The following ZNF385D variants were observed in gnomAD, a reference collection of about 807,000 sequenced individuals.
ZNF385D encodes the protein zinc finger protein 659.
ZNF385D carries 15 observed loss-of-function variants against 35.8 expected under a neutral mutation model. The ratio of observed to expected loss-of-function variants is 0.42; its 90% confidence interval spans 0.28 to 0.64. The LOEUF (loss-of-function observed/expected upper bound fraction) is 0.64. Ranked by LOEUF, ZNF385D falls within the 30% of genes least tolerant of loss-of-function variation. The pLI is 0.23. For synonymous variants in ZNF385D, 212 were observed against 186.8 expected (o/e 1.13, Z -1.10); for missense variants, 474 against 494.6 (o/e 0.96, Z 0.39).
chr3:21,424,552 A>G (rs1700920257), intron 6 of ZNF385D, among the ~76,000 whole-genome samples: 1 of 150,624 alleles, frequency 6.6e-6, no homozygotes, highest in South Asian at 2.1e-4. Context: ...TGACCTCTTG[A>G]TACACCTGCC....
chr3:21,915,235 T>C lies in ZNF385D; in HGVS notation c.326-250207A>G, dbSNP rs767718285. ...TTTAGAATCTCAGAAAAAGAGCTTA[T>C]ATTTCATTAAAATTCTGTATACTAC... On this transcript the variant is annotated intron_variant, in intron 3 of 5. Transcript: ENST00000494108. Among the ~76,000 whole-genome samples the C allele has an allele frequency of 1.6e-4, 25 of 152,120 alleles. 1 individual carries two copies. Among genetic ancestry groups the C allele is most frequent in the Non-Finnish European group, 1.5e-5 (1 of 67,976 alleles).
chr3:21,515,789 A>G (rs1296711580), intron 3 of ZNF385D, among the ~76,000 whole-genome samples: 1 of 152,220 alleles, frequency 6.6e-6, no homozygotes, highest in Non-Finnish European at 1.5e-5. Context: ...TAAGACCTAT[A>G]AAAGGCCACA....
At chr3:21,435,102 C>T (rs1490559425) in intron 5 of ZNF385D, among the ~76,000 whole-genome samples, 1 of 152,034 alleles carries the variant, frequency 6.6e-6, no homozygotes. Flanking sequence ...TGGGTACATA[C>T]ATTTTTAAAG....
At chr3:21,550,689 G>C (rs2062536697) in intron 3 of ZNF385D, among the ~76,000 whole-genome samples, 1 of 152,106 alleles carries the variant, frequency 6.6e-6, no homozygotes. Flanking sequence ...CACCATGTTG[G>C]TCAGGCTGGT....
intron 3 of ZNF385D, among the ~76,000 whole-genome samples, chr3:22,143,484 A>T (rs1346371025): frequency 6.6e-6 from 1 of 152,164 alleles, no homozygotes; most frequent in Admixed American, 6.6e-5. Flanking sequence ...CTCCAGAAGT[A>T]CCCACTATTT....
chr3:21,897,682 G>T (rs1012627780), intron 3 of ZNF385D, among the ~76,000 whole-genome samples: 2 of 152,060 alleles, frequency 1.3e-5, no homozygotes, highest in Non-Finnish European at 2.9e-5. Flanking sequence ...TGGATGACAT[G>T]TTCAGAGAAG....
chr3:21,563,061 C>T (rs2063012014), intron 3 of ZNF385D, among the ~76,000 whole-genome samples: 1 of 151,942 alleles, frequency 6.6e-6, no homozygotes, highest in Non-Finnish European at 1.5e-5. Flanking sequence ...CTGGAAAATT[C>T]ATATGTTGAG....
At chr3:22,162,297 C>A (rs535588586) in intron 3 of ZNF385D, among the ~76,000 whole-genome samples, 1 of 152,244 alleles carries the variant, frequency 6.6e-6, no homozygotes, top group Non-Finnish European at 1.5e-5. Flanking sequence ...CTACAGACTA[C>A]AGGAACAGCT....
intron 3 of ZNF385D, among the ~76,000 whole-genome samples, chr3:21,810,235 T>G (rs1297685106): frequency 6.6e-6 from 1 of 152,174 alleles, no homozygotes; most frequent in East Asian, 1.9e-4. Context: ...GCCAATGTAA[T>G]ATTTAAAAAT....
At chr3:21,477,295 G>T (rs571809051) in intron 4 of ZNF385D, among the ~76,000 whole-genome samples, 2 of 152,150 alleles carry the variant, frequency 1.3e-5, no homozygotes, top group African/African-American at 4.8e-5. Flanking sequence ...AGACATTGTG[G>T]CATGCATCTG....
chr3:21,486,575 A>G (rs1398544730), intron 4 of ZNF385D, among the ~76,000 whole-genome samples: 1 of 152,196 alleles, frequency 6.6e-6, no homozygotes, highest in Admixed American at 6.6e-5. Flanking sequence ...AACAACAAAC[A>G]TCTTGACTGA....
chr3:22,113,678 A>G (rs1468952168), intron 3 of ZNF385D, among the ~76,000 whole-genome samples: 1 of 152,108 alleles, frequency 6.6e-6, no homozygotes, highest in Non-Finnish European at 1.5e-5. Context: ...CTTAGAAGCC[A>G]GGGATGAGGT....
chr3:22,204,199 G>A (rs7635222), intron 2 of ZNF385D, among the ~76,000 whole-genome samples: 1 of 152,026 alleles, frequency 6.6e-6, no homozygotes, highest in Non-Finnish European at 1.5e-5. Context: ...AAGAGTTTCT[G>A]TCTGGTAATC....
chr3:22,162,929 G>C (rs1706061671), intron 3 of ZNF385D, among the ~76,000 whole-genome samples: 1 of 152,174 alleles, frequency 6.6e-6, no homozygotes, highest in Non-Finnish European at 1.5e-5. Flanking sequence ...TGTGCAAGTA[G>C]TGGGCTGGAG....
chr3:21,667,349 A>G (rs1008510515), intron 1 of ZNF385D, among the ~76,000 whole-genome samples: 5 of 151,998 alleles, frequency 3.3e-5, no homozygotes, highest in African/African-American at 7.3e-5. Context: ...TTCAGTAGAG[A>G]CGGGTTTTTG....
chr3:22,071,027 G>A (rs1204306217), intron 3 of ZNF385D, among the ~76,000 whole-genome samples: 1 of 152,016 alleles, frequency 6.6e-6, no homozygotes, highest in Non-Finnish European at 1.5e-5. Context: ...CCAAATCTAT[G>A]AAAAGAATAA....
At chr3:21,981,350 T>C (rs997039137) in intron 3 of ZNF385D, among the ~76,000 whole-genome samples, 2 of 152,200 alleles carry the variant, frequency 1.3e-5, no homozygotes, top group Non-Finnish European at 2.9e-5. Context: ...TATGCTTGGA[T>C]GGCTGCCTGC....
intron 3 of ZNF385D, among the ~76,000 whole-genome samples, chr3:22,137,826 C>T (rs1324831352): frequency 2.6e-5 from 4 of 151,850 alleles, no homozygotes; most frequent in South Asian, 2.1e-4. Context: ...CCAGGGCAAT[C>T]AGGCAGGAGA....
chr3:22,166,740 G>C (rs544884307), intron 3 of ZNF385D, among the ~76,000 whole-genome samples: 6 of 152,186 alleles, frequency 3.9e-5, no homozygotes, highest in African/African-American at 1.2e-4. Context: ...AATTATGCTT[G>C]GGACTAACTC....
Sources: allele counts gnomAD v4.1 joint callset (sites outside exome capture counted in the v4.1 genomes callset), GRCh38; gene constraint gnomAD v4.1.1; transcripts MANE v1.5; gene names NCBI Gene and HGNC (gene_info 2026-07-23, HGNC 2026-07-21).